Variants in TMEM132D observed in about 807,000 individuals in gnomAD.
TMEM132D encodes the protein transmembrane protein 132D, also known as mature OL transmembrane protein.
TMEM132D carries 21 observed loss-of-function variants against 62.3 expected under a neutral mutation model. The ratio of observed to expected loss-of-function variants is 0.34; its 90% confidence interval spans 0.24 to 0.49. The LOEUF (loss-of-function observed/expected upper bound fraction) is 0.49. TMEM132D is among the 20% of genes least tolerant of loss of function. The pLI, the probability that TMEM132D is intolerant of heterozygous loss-of-function variation, is 0.99. For missense variants in TMEM132D, 1,346 were observed against 1,402.8 expected (o/e 0.96, Z 0.65); for synonymous variants, 621 against 575.6 (o/e 1.08, Z -1.13).
At chr12:129,120,790 G>GT (rs1365758423) in intron 5 of TMEM132D, among the ~76,000 whole-genome samples, 5 of 152,044 alleles carry the variant, frequency 3.3e-5, no homozygotes, top group African/African-American at 1.2e-4. Context: ...GGTCTGTACA[G>GT]TTTTTTCAAA....
At chr12:129,593,575 G>C (rs963375065) in intron 2 of TMEM132D, among the ~76,000 whole-genome samples, 14 of 152,176 alleles carry the variant, frequency 9.2e-5, no homozygotes, top group Non-Finnish European at 2.9e-5. Context: ...TGGGTTAAAA[G>C]AAAATTCTTG....
chr12:129,226,548 G>A (rs1879485762), intron 4 of TMEM132D, among the ~76,000 whole-genome samples: 1 of 152,182 alleles, frequency 6.6e-6, no homozygotes, highest in African/African-American at 2.4e-5. Context: ...TGGTCACCTG[G>A]TAACCTAGGA....
intron 3 of TMEM132D, among the ~76,000 whole-genome samples, chr12:129,439,168 T>G (rs1872871821): frequency 6.6e-6 from 1 of 152,206 alleles, no homozygotes; most frequent in Non-Finnish European, 1.5e-5. Context: ...AATTACTGAA[T>G]AAATGAGAGT....
chr12:129,899,928 T>TCTCCCAAAAAA lies in TMEM132D; in HGVS notation c.79+3332_79+3333insTTTTTTGGGAG, dbSNP rs775114499. On this transcript the variant is annotated intron_variant, in intron 1 of 8. Transcript: ENST00000422113. ...ATTCTTTCCTCTCCCAAAAAGTTCCTGACCCCTAAAGAAGTTATCACTGTA... is the reference window on the plus strand; with the variant it reads ...ATTCTTTCCTCTCCCAAAAAGTTCCTCTCCCAAAAAAGACCCCTAAAGAAGTTATCACTGTA... Among the ~76,000 whole-genome samples the TCTCCCAAAAAA allele has an allele frequency of 7.7e-3, 1,174 of 152,266 alleles. 18 individuals carry two copies. Among genetic ancestry groups the TCTCCCAAAAAA allele is most frequent in the African/African-American group, 0.027 (1,131 of 41,550 alleles).
chr12:129,431,496 G>A (rs1027747213), intron 3 of TMEM132D, among the ~76,000 whole-genome samples: 1 of 152,164 alleles, frequency 6.6e-6, no homozygotes. Context: ...TGGGGACTGA[G>A]TTGCATACTG....
chr12:129,162,456 T>C (rs757431923), intron 5 of TMEM132D, among the ~76,000 whole-genome samples: 2 of 152,120 alleles, frequency 1.3e-5, no homozygotes, highest in Admixed American at 6.5e-5. Context: ...ACAGTGAACA[T>C]GGAAAGTAAA....
At chr12:129,086,378 C>A (rs946980102) in intron 5 of TMEM132D, among the ~76,000 whole-genome samples, 2 of 152,136 alleles carry the variant, frequency 1.3e-5, no homozygotes, top group Admixed American at 6.5e-5. Context: ...TAAGTAATTT[C>A]TCATCCCTCA....
chr12:129,896,128 C>T (rs1198791748), intron 1 of TMEM132D, among the ~76,000 whole-genome samples: 1 of 140,054 alleles, frequency 7.1e-6, no homozygotes. Context: ...CACCACTGCA[C>T]CTGGCTCATT....
At chr12:129,139,339 A>G (rs1297888946) in intron 5 of TMEM132D, among the ~76,000 whole-genome samples, 1 of 152,196 alleles carries the variant, frequency 6.6e-6, no homozygotes, top group African/African-American at 2.4e-5. Flanking sequence ...TTTACAAAAT[A>G]TTCAACTCTC....
chr12:129,674,398 A>G (rs1057283544), intron 2 of TMEM132D, among the ~76,000 whole-genome samples: 5 of 152,200 alleles, frequency 3.3e-5, no homozygotes, highest in African/African-American at 9.7e-5. Flanking sequence ...GAGAATGTAT[A>G]TTTATCCTCA....
At chr12:129,401,251 T>C (rs1338458135) in intron 3 of TMEM132D, among the ~76,000 whole-genome samples, 1 of 152,168 alleles carries the variant, frequency 6.6e-6, no homozygotes, top group Non-Finnish European at 1.5e-5. Context: ...GACCACCCCA[T>C]ATGCCAGCCT....
At chr12:129,430,113 G>A (rs71464502) in intron 3 of TMEM132D, among the ~76,000 whole-genome samples, 23,062 of 152,090 alleles carry the variant, frequency 0.15, 1,989 homozygotes, top group East Asian at 0.27. Flanking sequence ...TGGGATGGCT[G>A]GGTCAAACGG....
intron 5 of TMEM132D, among the ~76,000 whole-genome samples, chr12:129,164,388 C>T (rs1350020173): frequency 3.3e-5 from 5 of 152,136 alleles, no homozygotes; most frequent in Admixed American, 1.3e-4. Flanking sequence ...AATTAAACAG[C>T]GAAAATAATC....
intron 1 of TMEM132D, among the ~76,000 whole-genome samples, chr12:129,784,193 AC>A (rs1434893067): frequency 6.6e-5 from 10 of 152,324 alleles, no homozygotes; most frequent in South Asian, 4.1e-4. Flanking sequence ...CCCCCGTGAG[AC>A]CACGAGCTGG....
intron 3 of TMEM132D, among the ~76,000 whole-genome samples, chr12:129,455,063 A>C (rs1307956639): frequency 6.6e-6 from 1 of 152,266 alleles, no homozygotes; most frequent in Non-Finnish European, 1.5e-5. Flanking sequence ...TGTGACCAAA[A>C]GCTCAGAGTG....
At chr12:129,624,091 G>T (rs966571494) in intron 2 of TMEM132D, among the ~76,000 whole-genome samples, 4 of 152,084 alleles carry the variant, frequency 2.6e-5, no homozygotes, top group African/African-American at 9.7e-5. Context: ...CCCTGCCTTT[G>T]TTTATCTTGT....
intron 1 of TMEM132D, among the ~76,000 whole-genome samples, chr12:129,831,755 C>A (rs1287200081): frequency 1.3e-5 from 2 of 151,804 alleles, no homozygotes; most frequent in African/African-American, 4.8e-5. Context: ...CTGAGCAAGC[C>A]ATTAAACCCA....
intron 8 of TMEM132D, among the ~76,000 whole-genome samples, chr12:129,077,805 A>G (rs1439736727): frequency 1.8e-5 from 2 of 110,770 alleles, no homozygotes; most frequent in East Asian, 4.8e-4. Flanking sequence ...CCTATACAAC[A>G]CAAGCACACA....
In TMEM132D at chr12:129,819,132, G is replaced by C. The variant is rs1872464548; in HGVS notation, c.79+84129C>G. ...TCTTGCGGGAGACAGCCTAGAAAAG[G>C]AACGAAAACATAGGTTCATGCTGCC... On this transcript the variant is annotated intron_variant, in intron 1 of 8. Transcript: ENST00000422113. 3.3e-5 allele frequency among the ~76,000 whole-genome samples: 5 copies of C among 151,982 alleles called. No individual in the cohort carries two copies. In the South Asian group the frequency reaches 1.0e-3, roughly 32 times the overall value.
Sources: gnomAD v4.1 joint callset for allele counts (sites outside exome capture counted in the v4.1 genomes callset) on GRCh38, gnomAD v4.1.1 for gene constraint, MANE v1.5 for transcripts, NCBI Gene and HGNC (gene_info 2026-07-23, HGNC 2026-07-21) for gene names.